COL11A1: variants seen among roughly 807,000 people sequenced by gnomAD.
The protein encoded by COL11A1 is collagen type XI alpha 1 chain, also known as collagen alpha-1(XI) chain.
In COL11A1, 74 loss-of-function variants were observed where a neutral mutation model predicts 265.2. That is an observed-to-expected ratio of 0.28 (90% CI 0.23 to 0.34). The LOEUF (loss-of-function observed/expected upper bound fraction) is 0.34. Ranked by LOEUF, COL11A1 falls within the 10% of genes least tolerant of loss-of-function variation. The pLI is 1.00. For missense variants in COL11A1, 2,165 were observed against 2,263.6 expected (o/e 0.96, Z 0.88); for synonymous variants, 816 against 727.6 (o/e 1.12, Z -1.96).
chr1:103,098,258 CT>C (rs1330461749), intron 1 of COL11A1, among the ~76,000 whole-genome samples: 1 of 151,904 alleles, frequency 6.6e-6, no homozygotes, highest in Non-Finnish European at 1.5e-5. Context: ...GCCACTACTG[CT>C]TAGCAATAGC....
At chr1:103,079,905 T>A (rs1027135462) in intron 2 of COL11A1, among the ~76,000 whole-genome samples, 4 of 151,958 alleles carry the variant, frequency 2.6e-5, no homozygotes, top group Non-Finnish European at 5.9e-5. Context: ...TGATTATGTC[T>A]GGCTTGGATT....
chr1:102,984,389 T>G (rs1281364886), intron 30 of COL11A1, among the ~76,000 whole-genome samples, 198 bp from the exon 31 acceptor site: 1 of 152,110 alleles, frequency 6.6e-6, no homozygotes, highest in Non-Finnish European at 1.5e-5. Flanking sequence ...ATTTCTAATG[T>G]TATAATGTTG....
At chr1:102,928,714 G>A (rs1254859440) in intron 46 of COL11A1, among the ~76,000 whole-genome samples, 1 of 145,428 alleles carries the variant, frequency 6.9e-6, no homozygotes, top group Non-Finnish European at 1.5e-5. Flanking sequence ...CCCACCAACA[G>A]TGTAAAAGTG....
In COL11A1 at chr1:102,996,024, C is replaced by T. The variant is rs1242196023; in HGVS notation, c.2260G>A (p.Gly754Ser). The change falls in exon 27 of 67, where the codon GGT (glycine) becomes AGT (serine). Residue 754 changes from glycine (G) to serine (S), a missense_variant. By Grantham distance (56) the Gly-to-Ser change is moderately conservative. Coordinates refer to ENST00000370096, the MANE Select transcript of COL11A1 (RefSeq NM_001854.4). Reference protein sequence around the residue: ...KGALGPPGPQGPIGYPGPRGV... With the variant: ...KGALGPPGPQSPIGYPGPRGV... ...CGGGGGCCCGGGTATCCAATAGGAC[C>T]TTGTGGACCAGGGGGACCCTGAAAT... 6.2e-7 allele frequency: 1 copy of T among 1,613,290 alleles called. No homozygotes were observed. The highest frequency in any genetic ancestry group is 8.5e-7 in the Non-Finnish European group (1 of 1,179,520).
At chr1:102,892,060 A>T (rs961979154) in intron 57 of COL11A1, among the ~76,000 whole-genome samples, 1 of 152,144 alleles carries the variant, frequency 6.6e-6, no homozygotes, top group Non-Finnish European at 1.5e-5. Flanking sequence ...TTTATATGTG[A>T]CTTATGAAAT....
In COL11A1 at chr1:102,939,320, T is replaced by G. The variant is rs183842202; in HGVS notation, c.3385-232A>C. ...AGTATACTACAACTGAATTTATAAT[T>G]CAAAAATCAATTTTGTCTCAAATAT... is the stretch of plus-strand genomic sequence containing the variant. On this transcript the variant is annotated intron_variant, in intron 43 of 66. Transcript: ENST00000370096. Among the ~76,000 whole-genome samples the G allele has an allele frequency of 2.0e-5, 3 of 152,308 alleles. No homozygotes were observed. The East Asian group carries it at 5.8e-4, about 29-fold the overall frequency.
At chr1:102,923,702 A>T (rs1344166180) in intron 46 of COL11A1, among the ~76,000 whole-genome samples, 6 of 152,144 alleles carry the variant, frequency 3.9e-5, no homozygotes, top group Non-Finnish European at 8.8e-5. Context: ...CGTACAAATA[A>T]TATATAGAAC....
intron 46 of COL11A1, among the ~76,000 whole-genome samples, chr1:102,926,392 T>C (rs1656603346): frequency 6.6e-6 from 1 of 152,180 alleles, no homozygotes; most frequent in Non-Finnish European, 1.5e-5. Flanking sequence ...TGTGTGTATA[T>C]ATCCTTCATA....
At chr1:102,889,424 A>G in intron 59 of COL11A1, 31 bp downstream of exon 59, 1 of 1,223,440 alleles carries the variant, frequency 8.2e-7, no homozygotes, top group South Asian at 1.2e-5. Context: ...ATTGGAAATG[A>G]GTAGAAAAAA....
Position 103,002,484 on chromosome 1 carries a change from G to A in COL11A1, c.2044-3C>T. On this transcript the variant is annotated splice_region_variant and splice_polypyrimidine_tract_variant and intron_variant, in intron 22 of 66. Transcript: ENST00000370096. ...GGCCCAGGCTCCCCTTGGGGACCCT[G>A]CCAGAGGAAAATATAAAAAGTTTTT... 1 of 1,606,766 alleles carries A rather than the reference G, an allele frequency of 6.2e-7. No homozygotes were observed. Among genetic ancestry groups the A allele is most frequent in the Non-Finnish European group, 8.5e-7 (1 of 1,176,484 alleles).
At position 102,984,175 on chromosome 1, in the gene COL11A1, G is replaced by T; in HGVS notation, c.2519C>A (p.Pro840Gln). 1 of 1,597,710 alleles carries T rather than the reference G, an allele frequency of 6.3e-7. No individual in the cohort carries two copies. ...TCTTCCTGGATATCCTGGTAATCCT[G>T]GAACTCCAAGTTTTCCCTACAGTTA... ...QAGEKGKLGV[P>Q]GLPGYPGRQG... is the part of the protein sequence containing the mutation. Residue 840 changes from proline to glutamine, a missense_variant, in exon 31 of 67, where the codon CCA (proline) becomes CAA (glutamine). By Grantham distance (76) the Pro-to-Gln change is moderately conservative. Coordinates refer to ENST00000370096, the MANE Select transcript of COL11A1 (RefSeq NM_001854.4).
chr1:102,924,473 A>G (rs1001529720), intron 46 of COL11A1, among the ~76,000 whole-genome samples: 1 of 152,178 alleles, frequency 6.6e-6, no homozygotes, highest in East Asian at 1.9e-4. Flanking sequence ...CTTCAATTGT[A>G]CATTTATAAA....
At chr1:103,070,503 A>G (rs964583325) in intron 4 of COL11A1, among the ~76,000 whole-genome samples, 1 of 151,880 alleles carries the variant, frequency 6.6e-6, no homozygotes, top group African/African-American at 2.4e-5. Flanking sequence ...GTCCCAGAAA[A>G]GCTACAGTGA....
intron 33 of COL11A1, 39 bp downstream of exon 33, chr1:102,979,021 A>T (rs763149996): frequency 1.2e-6 from 2 of 1,612,132 alleles, no homozygotes; most frequent in Non-Finnish European, 1.7e-6. Flanking sequence ...ACTAAATTCA[A>T]TATGAAAAAT....
rs1042198727 is a variant in COL11A1, at chr1:102,886,744, G to A, written c.4858+63C>T. On this transcript the variant is annotated intron_variant, in intron 63 of 66. Transcript: ENST00000370096. ...AACATTTAACTAGAATGAATGAGCT[G>A]CCAATGCACCTCAGAAACTCAGGGG... The A allele has an allele frequency of 3.1e-6, 5 of 1,600,328 alleles. No homozygotes were observed. The African/African-American group carries it at 6.7e-5, about 21-fold the overall frequency.
chr1:102,941,666 C>T (rs1286723753), intron 42 of COL11A1, among the ~76,000 whole-genome samples: 1 of 152,066 alleles, frequency 6.6e-6, no homozygotes, highest in African/African-American at 2.4e-5. Context: ...TAGTTAATTC[C>T]TTCTCATCTT....
In COL11A1 at chr1:102,887,040, A is replaced by T; in HGVS notation, c.4625T>A (p.Val1542Asp). 6.2e-7 allele frequency: 1 copy of T among 1,613,868 alleles called. No individual in the cohort carries two copies. Among genetic ancestry groups the T allele is most frequent in the Non-Finnish European group, 8.5e-7 (1 of 1,179,806 alleles). ...GGACAAGATTGGTAAAGGCTGAATG[A>T]CTTCACCAGGTGGACCCTGTAAAGA... ...PPGSPGPPGE[V>D]IQPLPILSSK... Residue 1542 changes from valine to aspartate, a missense_variant, in exon 63 of 67, where the codon GTC (valine) becomes GAC (aspartate). Val to Asp is a radical substitution (Grantham distance 152). Coordinates refer to ENST00000370096, the MANE Select transcript of COL11A1 (RefSeq NM_001854.4).
intron 37 of COL11A1, among the ~76,000 whole-genome samples, chr1:102,969,054 A>G (rs1287427273): frequency 5.3e-5 from 8 of 152,196 alleles, no homozygotes; most frequent in Admixed American, 1.3e-4. Context: ...TCTCCTTTAG[A>G]AAGTTTATTT....
At chr1:103,089,950 C>G (rs1413849154) in intron 1 of COL11A1, among the ~76,000 whole-genome samples, 2 of 151,960 alleles carry the variant, frequency 1.3e-5, no homozygotes, top group Non-Finnish European at 2.9e-5. Context: ...ATGGCGAAAC[C>G]CTGTCTCTAC....
Sources: gnomAD v4.1 joint callset for allele counts (sites outside exome capture counted in the v4.1 genomes callset) on GRCh38, gnomAD v4.1.1 for gene constraint, MANE v1.5 for transcripts, NCBI Gene and HGNC (gene_info 2026-07-23, HGNC 2026-07-21) for gene names.